CREB5: variants seen among roughly 807,000 people sequenced by gnomAD.
The protein encoded by CREB5 is cyclic AMP-responsive element-binding protein 5.
In CREB5, 19 loss-of-function variants were observed where a neutral mutation model predicts 57.1. The observed-to-expected ratio is 0.33, with a 90% confidence interval of 0.23 to 0.49. The LOEUF (loss-of-function observed/expected upper bound fraction) is 0.49, where lower values mean the gene tolerates loss of function less well. CREB5 is among the 20% of genes least tolerant of loss of function. The pLI is 0.99. For synonymous variants in CREB5, 238 were observed against 238.3 expected, an observed-to-expected ratio of 1.00 and a Z score of 0.01; for missense variants, 579 against 671.6, an observed-to-expected ratio of 0.86 and a Z score of 1.52.
chr7:28,325,317 T>C (rs983777297), intron 1 of CREB5, among the ~76,000 whole-genome samples: 6 of 152,094 alleles, frequency 3.9e-5, no homozygotes, highest in African/African-American at 1.4e-4. Context: ...TAGCCAGGCA[T>C]GGTGGCGGGC....
At chr7:28,449,009 C>T (rs1376468635) in intron 1 of CREB5, among the ~76,000 whole-genome samples, 1 of 152,218 alleles carries the variant, frequency 6.6e-6, no homozygotes, top group African/African-American at 2.4e-5. Context: ...TTAATCAATT[C>T]ATAAGCATTA....
At position 28,754,453 on chromosome 7, in the gene CREB5, G is replaced by C. The variant is rs992200191; in HGVS notation, c.702+30121G>C. Reference sequence around the variant, plus strand: ...CTACGTTGGCCACCTGTTCTCAAAGGAAAAGATGGTACCTTCCGTTTCCTA... The same window carrying C: ...CTACGTTGGCCACCTGTTCTCAAAGCAAAAGATGGTACCTTCCGTTTCCTA... On this transcript the variant is annotated intron_variant, in intron 7 of 10. Coordinates refer to ENST00000357727, the MANE Select transcript of CREB5 (RefSeq NM_182898.4). Among the ~76,000 whole-genome samples the C allele has an allele frequency of 2.6e-5, 4 of 152,164 alleles. 1 individual carries two copies. The highest frequency in any genetic ancestry group is 2.6e-4 in the Admixed American group (4 of 15,276).
chr7:28,794,689 G>A (rs373296000), intron 7 of CREB5, among the ~76,000 whole-genome samples: 1 of 151,780 alleles, frequency 6.6e-6, no homozygotes, highest in Non-Finnish European at 1.5e-5. Context: ...CTTCCCTTTC[G>A]AACTCCTTTA....
In CREB5 at chr7:28,754,727, C is replaced by CT. The variant is rs567938401; in HGVS notation, c.702+30403dup. ...TGTGAGAACATGAAAAAACTTCACT[C>CT]TTTTTTTTCCCCCAATAAGCTCTCC... On this transcript the variant is annotated intron_variant, in intron 7 of 10. Transcript: ENST00000357727. 1.0e-3 allele frequency among the ~76,000 whole-genome samples: 154 copies of CT among 152,168 alleles called. 2 individuals carry two copies. Among genetic ancestry groups the CT allele is most frequent in the Middle Eastern group, 6.8e-3 (2 of 294 alleles).
At chr7:28,585,953 G>A (rs934517712) in intron 5 of CREB5, among the ~76,000 whole-genome samples, 7 of 152,102 alleles carry the variant, frequency 4.6e-5, no homozygotes, top group African/African-American at 1.7e-4. Context: ...ATAATAAAGG[G>A]CCCCTTTGGC....
At chr7:28,378,828 TTG>T (rs1156352191) in intron 1 of CREB5, among the ~76,000 whole-genome samples, 4 of 152,300 alleles carry the variant, frequency 2.6e-5, no homozygotes, top group Non-Finnish European at 5.9e-5. Flanking sequence ...CTACTGGCAT[TTG>T]TGTCTTCAAC....
chr7:28,430,936 G>A (rs976498709), intron 1 of CREB5, among the ~76,000 whole-genome samples: 1 of 152,012 alleles, frequency 6.6e-6, no homozygotes, highest in African/African-American at 2.4e-5. Context: ...GACTCACCTG[G>A]TATTGCAGGC....
intron 5 of CREB5, among the ~76,000 whole-genome samples, chr7:28,636,153 C>T (rs1327846517): frequency 3.9e-5 from 6 of 152,128 alleles, no homozygotes; most frequent in Admixed American, 3.9e-4. Context: ...TATATTCACA[C>T]AATACCCTTC....
chr7:28,500,244 T>A (rs1395916371), intron 3 of CREB5, among the ~76,000 whole-genome samples: 1 of 152,158 alleles, frequency 6.6e-6, no homozygotes, highest in Non-Finnish European at 1.5e-5. Context: ...AAAACATGAC[T>A]GTGATGGCAA....
intron 7 of CREB5, among the ~76,000 whole-genome samples, chr7:28,788,037 T>C (rs1003254535): frequency 2.6e-5 from 4 of 152,150 alleles, no homozygotes; most frequent in African/African-American, 7.2e-5. Context: ...TTCAAAGTAA[T>C]AAAATAAGTA....
intron 1 of CREB5, among the ~76,000 whole-genome samples, chr7:28,313,275 G>A (rs892146305): frequency 3.3e-5 from 5 of 152,120 alleles, no homozygotes; most frequent in African/African-American, 1.2e-4. Flanking sequence ...GCCATCTTCC[G>A]AGAGCCTGAA....
At chr7:28,678,353 A>G (rs996215073) in intron 5 of CREB5, among the ~76,000 whole-genome samples, 2 of 152,136 alleles carry the variant, frequency 1.3e-5, no homozygotes, top group Non-Finnish European at 2.9e-5. Context: ...GCACCACTAC[A>G]CTCCAGCCTG....
At chr7:28,589,190 T>G (rs1796404639) in intron 5 of CREB5, among the ~76,000 whole-genome samples, 1 of 152,242 alleles carries the variant, frequency 6.6e-6, no homozygotes, top group Admixed American at 6.5e-5. Flanking sequence ...TATTTTTTGA[T>G]GCATTTCTAA....
At chr7:28,626,562 G>C (rs922259452) in intron 5 of CREB5, among the ~76,000 whole-genome samples, 2 of 152,174 alleles carry the variant, frequency 1.3e-5, no homozygotes, top group Non-Finnish European at 2.9e-5. Flanking sequence ...TCTGGCACCA[G>C]GATCTGCTCT....
intron 1 of CREB5, among the ~76,000 whole-genome samples, chr7:28,325,434 G>A (rs562090676): frequency 9.5e-5 from 14 of 147,418 alleles, no homozygotes; most frequent in South Asian, 2.2e-4. Context: ...CAGCCTGGGC[G>A]ACACAGCAAG....
In CREB5 at chr7:28,822,833, C is replaced by T. The variant is rs1418533243; in HGVS notation, c.*3554C>T. On this transcript the variant is annotated 3_prime_UTR_variant, in exon 11 of 11. Transcript: ENST00000357727. ...CTAATTTGAAAGCCAAGTGTTAAGT[C>T]GGATGTTTTCCCGTTACACTACTAC... 13 of 152,442 alleles carry T rather than the reference C, an allele frequency of 8.5e-5. No homozygotes were observed. The highest frequency in any genetic ancestry group is 2.4e-4 in the African/African-American group (10 of 41,430). 9.4% of individuals were successfully genotyped at this position (152,442 alleles called of 1,614,324 possible).
intron 1 of CREB5, among the ~76,000 whole-genome samples, chr7:28,419,431 CTCTG>C (rs1311302595): frequency 1.3e-5 from 2 of 152,224 alleles, no homozygotes; most frequent in African/African-American, 4.8e-5. Flanking sequence ...CATTTGCAGT[CTCTG>C]TCTGCATTTC....
At chr7:28,331,752 G>A (rs1446241968) in intron 1 of CREB5, among the ~76,000 whole-genome samples, 1 of 151,642 alleles carries the variant, frequency 6.6e-6, no homozygotes, top group Non-Finnish European at 1.5e-5. Flanking sequence ...TGGGGGCTGA[G>A]GCAGGAGAAG....
chr7:28,801,999 C>T (rs866026072), intron 7 of CREB5, among the ~76,000 whole-genome samples: 3 of 139,474 alleles, frequency 2.2e-5, no homozygotes, highest in South Asian at 4.8e-4. Context: ...GCAGGAGAAT[C>T]GCTTGAACCC....
Sources: gnomAD v4.1 joint callset for allele counts (sites outside exome capture counted in the v4.1 genomes callset) on GRCh38, gnomAD v4.1.1 for gene constraint, MANE v1.5 for transcripts, NCBI Gene and HGNC (gene_info 2026-07-23, HGNC 2026-07-21) for gene names.